LGR4: variants seen among roughly 807,000 people sequenced by gnomAD.
The protein encoded by LGR4 is leucine rich repeat containing G protein-coupled receptor 4.
LGR4 carries 44 observed loss-of-function variants against 84.8 expected under a neutral mutation model. That is an observed-to-expected ratio of 0.52 (90% confidence interval 0.41 to 0.67). LGR4 has a LOEUF of 0.67. Ranked by LOEUF, LGR4 falls within the 30% of genes least tolerant of loss-of-function variation. The pLI, the probability that LGR4 is intolerant of heterozygous loss-of-function variation, is 0.00. For missense variants in LGR4, 1,032 were observed against 1,131.4 expected (o/e 0.91, Z 1.26); for synonymous variants, 429 against 434.3 (o/e 0.99, Z 0.15).
At chr11:27,472,027 G>A (rs1441374171) in intron 1 of LGR4, 91 bp downstream of exon 1, 10 of 969,788 alleles carry the variant, frequency 1.0e-5, no homozygotes, top group African/African-American at 1.7e-5. Context: ...GGGCGGGGTG[G>A]GGTGGGACTG....
chr11:27,387,447 T>C (rs1221945366), intron 4 of LGR4, among the ~76,000 whole-genome samples: 1 of 152,038 alleles, frequency 6.6e-6, no homozygotes, highest in Non-Finnish European at 1.5e-5. Flanking sequence ...ATTTCTAAGG[T>C]GACATTTAAA....
intron 1 of LGR4, among the ~76,000 whole-genome samples, chr11:27,413,668 T>C (rs1239314781): frequency 6.6e-6 from 1 of 152,088 alleles, no homozygotes; most frequent in African/African-American, 2.4e-5. Context: ...CTCCTTCTGT[T>C]CCATGGTGTT....
chr11:27,392,324 C>T (rs1311819828), intron 3 of LGR4, 123 bp downstream of exon 3: 2 of 702,952 alleles, frequency 2.8e-6, no homozygotes, highest in African/African-American at 1.8e-5. Flanking sequence ...TACTCACTGG[C>T]CACTCCTTAA....
chr11:27,452,044 T>C (rs984599471), intron 1 of LGR4, among the ~76,000 whole-genome samples: 1 of 152,190 alleles, frequency 6.6e-6, no homozygotes, highest in Non-Finnish European at 1.5e-5. Context: ...CTTCCAACAA[T>C]TGCTCAATAG....
chr11:27,388,322 G>C (rs1431409361), intron 4 of LGR4, among the ~76,000 whole-genome samples: 2 of 152,042 alleles, frequency 1.3e-5, no homozygotes, highest in Non-Finnish European at 2.9e-5. Context: ...TTGTAACAAT[G>C]ATCTATTCTA....
At chr11:27,431,435 A>G (rs1041160328) in intron 1 of LGR4, among the ~76,000 whole-genome samples, 1 of 152,230 alleles carries the variant, frequency 6.6e-6, no homozygotes, top group African/African-American at 2.4e-5. Context: ...TACCTTGTTC[A>G]CTATCAATTT....
At chr11:27,425,219 G>A (rs1188418330) in intron 1 of LGR4, among the ~76,000 whole-genome samples, 2 of 151,872 alleles carry the variant, frequency 1.3e-5, no homozygotes, top group Admixed American at 6.6e-5. Context: ...AAAAAATAAA[G>A]AATGTAAGAT....
chr11:27,386,963 C>T (rs1863199700), intron 4 of LGR4, among the ~76,000 whole-genome samples: 1 of 152,164 alleles, frequency 6.6e-6, no homozygotes, highest in Non-Finnish European at 1.5e-5. Flanking sequence ...CGGCAAAGTA[C>T]TGCCTACAGA....
At chr11:27,444,248 G>C (rs1462137997) in intron 1 of LGR4, among the ~76,000 whole-genome samples, 1 of 152,120 alleles carries the variant, frequency 6.6e-6, no homozygotes, top group East Asian at 1.9e-4. Flanking sequence ...GGAGTGGAGG[G>C]TGAAAGAGGG....
chr11:27,451,850 T>G (rs1864486354), intron 1 of LGR4, among the ~76,000 whole-genome samples: 1 of 152,200 alleles, frequency 6.6e-6, no homozygotes, highest in Admixed American at 6.5e-5. Flanking sequence ...ACTTTCATAA[T>G]AGGAGAGCCA....
intron 9 of LGR4, 40 bp from the exon 10 acceptor site, chr11:27,380,379 T>A (rs531042901): frequency 3.4e-6 from 5 of 1,481,792 alleles, no homozygotes; most frequent in Non-Finnish European, 4.7e-6. Flanking sequence ...TTTTAAATTT[T>A]TTTTCATATT....
chr11:27,381,042 C>A, intron 7 of LGR4, 76 bp from the exon 8 acceptor site: 2 of 754,680 alleles, frequency 2.7e-6, no homozygotes, highest in Non-Finnish European at 2.3e-6. Flanking sequence ...TACTGCTGTT[C>A]AGCATTATAT....
At chr11:27,371,785 G>A (rs756948078) in intron 16 of LGR4, 87 bp from the exon 17 acceptor site, 2 of 876,168 alleles carry the variant, frequency 2.3e-6, no homozygotes, top group Admixed American at 2.0e-5. Context: ...CTGTATATAA[G>A]TGTGAGTTCT....
intron 1 of LGR4, among the ~76,000 whole-genome samples, chr11:27,459,319 G>A (rs539880389): frequency 2.2e-4 from 33 of 152,192 alleles, no homozygotes; most frequent in African/African-American, 7.5e-4. Flanking sequence ...ACTCAGGCTC[G>A]AGTAACTTGA....
chr11:27,405,480 C>T (rs1239613508), intron 2 of LGR4, among the ~76,000 whole-genome samples: 1 of 152,132 alleles, frequency 6.6e-6, no homozygotes, highest in Non-Finnish European at 1.5e-5. Flanking sequence ...CCACGATACA[C>T]TATTCTATAA....
chr11:27,405,949 C>T (rs74677637), intron 2 of LGR4, among the ~76,000 whole-genome samples: 7,864 of 152,248 alleles, frequency 0.052, 247 homozygotes, highest in Middle Eastern at 0.096. Flanking sequence ...CTTCAAGAGT[C>T]ACTCAAGAGT....
chr11:27,472,431 G>T lies in LGR4; in HGVS notation c.-129C>A. On this transcript the variant is annotated 5_prime_UTR_variant, in exon 1 of 18. Coordinates refer to ENST00000379214, the MANE Select transcript of LGR4 (RefSeq NM_018490.5). ...GGGGGTCTCTTCCTCGGCGGTCCGC[G>T]CGGGCTCGGCCCCTTCAGCAGTCCG... The T allele has an allele frequency of 1.6e-6, 1 of 642,064 alleles. No individual in the cohort carries two copies. Among genetic ancestry groups the T allele is most frequent in the Non-Finnish European group, 2.2e-6 (1 of 454,464 alleles). 39.8% of individuals were successfully genotyped at this position (642,064 alleles called of 1,614,324 possible).
At chr11:27,393,244 G>A (rs1863318974) in intron 2 of LGR4, among the ~76,000 whole-genome samples, 1 of 152,060 alleles carries the variant, frequency 6.6e-6, no homozygotes, top group Non-Finnish European at 1.5e-5. Context: ...CTTGAACAGA[G>A]GATATTAGGG....
chr11:27,419,993 T>C (rs1228747273), intron 1 of LGR4, among the ~76,000 whole-genome samples: 1 of 152,130 alleles, frequency 6.6e-6, no homozygotes, highest in Non-Finnish European at 1.5e-5. Context: ...ATGATCTATA[T>C]CTTGATTTTG....
Sources: gnomAD v4.1 joint callset for allele counts (sites outside exome capture counted in the v4.1 genomes callset) on GRCh38, gnomAD v4.1.1 for gene constraint, MANE v1.5 for transcripts, NCBI Gene and HGNC (gene_info 2026-07-23, HGNC 2026-07-21) for gene names.